STT3A: variants seen among roughly 807,000 people sequenced by gnomAD.
The protein encoded by STT3A is STT3 oligosaccharyltransferase complex catalytic subunit A, also known as dolichyl-diphosphooligosaccharide--protein glycosyltransferase subunit STT3A.
In STT3A, 34 loss-of-function variants were observed where a neutral mutation model predicts 89.2. The observed-to-expected ratio is 0.38, with a 90% CI of 0.29 to 0.51. The LOEUF (loss-of-function observed/expected upper bound fraction) is 0.51. Ranked by LOEUF, STT3A falls within the 20% of genes least tolerant of loss-of-function variation. STT3A has a pLI of 0.89. For missense variants in STT3A, 555 were observed against 889.5 expected (o/e 0.62, Z 4.78); for synonymous variants, 282 against 310.3 (o/e 0.91, Z 0.96).
In STT3A at chr11:125,597,248, A is replaced by T; in HGVS notation, c.149+129A>T. 3.1e-6 allele frequency: 3 copies of T among 957,174 alleles called. No homozygotes were observed. In the South Asian group the frequency reaches 4.5e-5, roughly 14 times the overall value. 59.3% of individuals were successfully genotyped at this position (957,174 alleles called of 1,614,324 possible). On this transcript the variant is annotated intron_variant, in intron 3 of 17. Coordinates refer to ENST00000392708, the MANE Select transcript of STT3A (RefSeq NM_152713.5). ...TTCAGTACATTTAAGGGAAAAAAAAACCCTTAAATTCTTCCAAAGGAGATA... is the reference window on the plus strand; with the variant it reads ...TTCAGTACATTTAAGGGAAAAAAAATCCCTTAAATTCTTCCAAAGGAGATA...
rs1348983467 is a variant in STT3A at position 125,613,826 on chromosome 11, C to T, written c.1555-261C>T. 7.5e-6 allele frequency: 3 copies of T among 399,996 alleles called. No individual in the cohort carries two copies. The highest frequency in any genetic ancestry group is 9.2e-6 in the Non-Finnish European group (2 of 216,490). The allele number at this position is 399,996 out of a possible 1,614,324, so 24.8% of individuals were successfully genotyped here. A position where few individuals can be genotyped will look rare whatever the true frequency, so the allele number is the denominator to read the frequency against. On this transcript the variant is annotated intron_variant, in intron 13 of 17. Coordinates refer to ENST00000392708, the MANE Select transcript of STT3A (RefSeq NM_152713.5). The surrounding 1 kb of genome is among the most constrained non-coding windows in gnomAD (Gnocchi z 4.2). ...ATTGCACAGTCTCCCACACCTCCCACCCCATTATGTTAGTATAAAGTGACC... is the reference window on the plus strand; with the variant it reads ...ATTGCACAGTCTCCCACACCTCCCATCCCATTATGTTAGTATAAAGTGACC...
intron 16 of STT3A, 49 bp downstream of exon 16, chr11:125,618,610 C>A: frequency 6.5e-7 from 1 of 1,549,608 alleles, no homozygotes. Flanking sequence ...ATAGTGATTA[C>A]TAATACACAG....
chr11:125,602,459 A>G, intron 4 of STT3A, 35 bp downstream of exon 4: 1 of 1,525,086 alleles, frequency 6.6e-7, no homozygotes, highest in Non-Finnish European at 8.8e-7. Context: ...TTTTTAAAAA[A>G]AAAACAGAAA....
At chr11:125,608,020 G>T in intron 8 of STT3A, 89 bp from the exon 9 acceptor site, 1 of 1,381,918 alleles carries the variant, frequency 7.2e-7, no homozygotes, top group Non-Finnish European at 9.6e-7. Flanking sequence ...TGACCATTTG[G>T]TTTGAACTAG....
Position 125,608,200 on chromosome 11 carries a change from A to G in STT3A, c.872A>G (p.Asn291Ser). Residue 291 changes from asparagine (N) to serine (S), a missense_variant, in exon 9 of 18, where the codon AAT (asparagine) becomes AGT (serine). This residue lies in a region of STT3A where 149 missense variants were observed against 206.2 expected (regional missense o/e 0.72). Transcript: ENST00000392708. ...AFVDYLRSKL[N>S]PQQFEVLFRS... The stretch of plus-strand genomic sequence containing the variant: ...GTGGATTACCTGCGCAGCAAGTTGA[A>G]TCCACAACAATTTGAAGTTCTTTTC... The G allele has an allele frequency of 6.2e-7, 1 of 1,614,162 alleles. No homozygotes were observed. Among genetic ancestry groups the G allele is most frequent in the African/African-American group, 1.3e-5 (1 of 75,040 alleles).
At position 125,613,437 on chromosome 11, in the gene STT3A, A is replaced by G. The variant is rs180810941; in HGVS notation, c.1554+260A>G. ...ATTTTAACATGAGGTAGAACATCCC[A>G]GTTATAAAAGAAGAAAAAAGTTATA... On this transcript the variant is annotated intron_variant, in intron 13 of 17. Transcript: ENST00000392708. This position sits in a 1 kb window ranked among gnomAD's most constrained non-coding sequence, Gnocchi z 4.2. Among the ~76,000 whole-genome samples, 9 of 152,350 alleles carry G rather than the reference A, an allele frequency of 5.9e-5. No individual in the cohort carries two copies. Among genetic ancestry groups the G allele is most frequent in the Admixed American group, 4.6e-4 (7 of 15,310 alleles).
At chr11:125,600,509 G>A (rs1939641665) in intron 3 of STT3A, among the ~76,000 whole-genome samples, 1 of 151,650 alleles carries the variant, frequency 6.6e-6, no homozygotes, top group Non-Finnish European at 1.5e-5. Flanking sequence ...CTACAGGCGT[G>A]TGCCACTAAG....
chr11:125,618,455 T>C lies in STT3A; in HGVS notation c.1857T>C (p.Thr619=). Reference sequence around the variant, plus strand: ...ATATCAAGGAGAATGACTATTATACTCCAACTGGGGAGTTCCGTGTGGACC... The same window carrying C: ...ATATCAAGGAGAATGACTATTATACCCCAACTGGGGAGTTCCGTGTGGACC... The part of the protein sequence containing the change: ...GKHIKENDYY[T]PTGEFRVDRE... The change falls in exon 16 of 18, where the codon ACT becomes ACC. Residue 619 remains threonine, a synonymous_variant. Transcript: ENST00000392708. The C allele has an allele frequency of 6.2e-7, 1 of 1,613,910 alleles. No homozygotes were observed. The highest frequency in any genetic ancestry group is 8.5e-7 in the Non-Finnish European group (1 of 1,179,996).
chr11:125,619,868 C>T, intron 16 of STT3A, 143 bp from the exon 17 acceptor site: 1 of 646,760 alleles, frequency 1.5e-6, no homozygotes. Context: ...CTACCTCATG[C>T]CCTTTTTTGC....
intron 2 of STT3A, 113 bp downstream of exon 2, chr11:125,596,116 T>G: frequency 1.2e-6 from 1 of 830,876 alleles, no homozygotes; most frequent in Non-Finnish European, 1.9e-6. Context: ...ATTGTTACAT[T>G]TTTCCATTCC....
At chr11:125,594,751 C>G (rs946204610) in intron 1 of STT3A, 1 of 152,020 alleles carries the variant, frequency 6.6e-6, no homozygotes, top group Non-Finnish European at 1.5e-5. Flanking sequence ...TTTTTTTAAT[C>G]CCCCGACTCT....
intron 3 of STT3A, among the ~76,000 whole-genome samples, chr11:125,601,924 G>C (rs934719540): frequency 3.3e-5 from 5 of 151,872 alleles, no homozygotes; most frequent in African/African-American, 1.2e-4. Context: ...TCAGCCTCCT[G>C]AGTAGCTGGG....
chr11:125,592,853 G>T lies in STT3A; in HGVS notation c.-101G>T, dbSNP rs548658418. On this transcript the variant is annotated 5_prime_UTR_variant, in exon 1 of 18. In the 5' UTR this introduces an upstream ATG that the reference lacks. Coordinates refer to ENST00000392708, the MANE Select transcript of STT3A (RefSeq NM_152713.5). ...CGGGAGGCGGACCCGGCTCCTGCCA[G>T]GGTTGGGTGCGCCGCTGAACGGATG... 3.2e-5 allele frequency: 6 copies of T among 187,216 alleles called. No individual in the cohort carries two copies. The South Asian group carries it at 4.4e-4, about 14-fold the overall frequency. 11.6% of individuals were successfully genotyped at this position (187,216 alleles called of 1,614,324 possible).
intron 9 of STT3A, among the ~76,000 whole-genome samples, chr11:125,608,562 G>A (rs1335546946): frequency 6.6e-6 from 1 of 152,196 alleles, no homozygotes; most frequent in African/African-American, 2.4e-5. Context: ...CCGACCTCAG[G>A]TGATCCGCCC....
intron 1 of STT3A, among the ~76,000 whole-genome samples, chr11:125,595,265 GC>G (rs1407223239): frequency 6.6e-6 from 1 of 150,850 alleles, no homozygotes; most frequent in Non-Finnish European, 1.5e-5. Flanking sequence ...TCCAACTCCT[GC>G]CTCAGCCTCC....
intron 1 of STT3A, among the ~76,000 whole-genome samples, chr11:125,594,475 G>A (rs759208086): frequency 2.0e-5 from 3 of 151,516 alleles, no homozygotes; most frequent in Non-Finnish European, 4.4e-5. Flanking sequence ...AGCTTCTCAT[G>A]AGGCTGAGGC....
chr11:125,593,530 C>G (rs1472125165), intron 1 of STT3A: 1 of 152,190 alleles, frequency 6.6e-6, no homozygotes. Context: ...CGGCCCTGCC[C>G]TCAATGACTA....
At chr11:125,619,930 A>G (rs982533298) in intron 16 of STT3A, 81 bp from the exon 17 acceptor site, 9 of 1,179,364 alleles carry the variant, frequency 7.6e-6, no homozygotes, top group Admixed American at 4.4e-5. Flanking sequence ...CAATTAGTAG[A>G]TGGTTTCCTG....
At position 125,613,130 on chromosome 11, in the gene STT3A, G is replaced by A. The variant is rs1940075851; in HGVS notation, c.1507G>A (p.Asp503Asn). 6.2e-7 allele frequency: 1 copy of A among 1,613,342 alleles called. No homozygotes were observed. The change falls in exon 13 of 18, where the codon GAT (aspartate) becomes AAT (asparagine). Residue 503 changes from aspartate (D) to asparagine (N), a missense_variant. Physicochemically the swap from Asp to Asn is conservative, Grantham distance 23. Coordinates refer to ENST00000392708, the MANE Select transcript of STT3A (RefSeq NM_152713.5). This position sits in a 1 kb window ranked among gnomAD's most constrained non-coding sequence, Gnocchi z 4.2. ...RGGDGSRIIF[D>N]DFREAYYWLR... ...TGGGGATGGCAGTAGGATCATATTT[G>A]ATGACTTCCGAGAAGCATATTATTG...
Sources: gnomAD v4.1 joint callset for allele counts (sites outside exome capture counted in the v4.1 genomes callset) on GRCh38, gnomAD v4.1.1 for gene constraint, gnomAD v4.1.1 regional missense constraint, Gnocchi (gnomAD v3.1) non-coding constraint, MANE v1.5 for transcripts, NCBI Gene and HGNC (gene_info 2026-07-23, HGNC 2026-07-21) for gene names.